ALPL: variants seen among roughly 807,000 people sequenced by gnomAD.
ALPL encodes alkaline phosphatase, biomineralization associated, also known as alkaline phosphatase, tissue-nonspecific isozyme.
A neutral mutation model predicts 51.3 loss-of-function variants in ALPL; 42 were observed. That is an observed-to-expected ratio of 0.82 (90% CI 0.64 to 1.06). The LOEUF is 1.06. Among genes scored for constraint, ALPL ranks in the 50% least tolerant of loss-of-function variants. The pLI, the probability that ALPL is intolerant of heterozygous loss-of-function variation, is 0.00. For synonymous variants in ALPL, 279 were observed against 296.4 expected (o/e 0.94, Z 0.60); for missense variants, 589 against 709.4 (o/e 0.83, Z 1.93).
intron 6 of ALPL, among the ~76,000 whole-genome samples, chr1:21,565,331 G>A (rs541269892): frequency 3.1e-4 from 47 of 152,320 alleles, no homozygotes; most frequent in African/African-American, 8.7e-4. Context: ...ATCCTGGCTT[G>A]CCTTCACCCG....
At chr1:21,556,395 C>A (rs939604098) in intron 2 of ALPL, among the ~76,000 whole-genome samples, 2 of 152,074 alleles carry the variant, frequency 1.3e-5, no homozygotes, top group Non-Finnish European at 2.9e-5. Context: ...AATCCCAGTG[C>A]GTTGGGAGGC....
intron 1 of ALPL, among the ~76,000 whole-genome samples, chr1:21,548,281 G>A (rs1368808945): frequency 6.6e-6 from 1 of 152,242 alleles, no homozygotes; most frequent in Non-Finnish European, 1.5e-5. Context: ...GGGTCCTAGG[G>A]GTGGGGCCAG....
intron 7 of ALPL, among the ~76,000 whole-genome samples, chr1:21,568,778 T>C (rs1004169555): frequency 1.3e-5 from 2 of 151,730 alleles, no homozygotes; most frequent in Non-Finnish European, 2.9e-5. Flanking sequence ...CCCTCCACAG[T>C]GAGTCCCCCT....
intron 2 of ALPL, among the ~76,000 whole-genome samples, chr1:21,556,109 G>A (rs1267367208): frequency 2.0e-5 from 3 of 152,144 alleles, no homozygotes; most frequent in African/African-American, 7.2e-5. Context: ...TCACGCGGAA[G>A]TGTTTCCACA....
At chr1:21,567,980 A>G (rs1395619899) in intron 6 of ALPL, 124 bp from the exon 7 acceptor site, 11 of 1,327,038 alleles carry the variant, frequency 8.3e-6, no homozygotes, top group Non-Finnish European at 1.2e-5. Flanking sequence ...GGCCTGGCTC[A>G]CCAGGCTGGG....
chr1:21,577,470 C>G lies in ALPL; in HGVS notation c.1397C>G (p.Pro466Arg), dbSNP rs773075737. The G allele has an allele frequency of 6.2e-7, 1 of 1,610,862 alleles. No individual in the cohort carries two copies. The highest frequency in any genetic ancestry group is 1.1e-5 in the South Asian group (1 of 91,084). ...GEDVAVFSKG[P>R]MAHLLHGVHE... ...GACGTGGCCGTCTTCTCCAAGGGCCCCATGGCGCACCTGCTGCACGGCGTC... is the reference window on the plus strand; with the variant it reads ...GACGTGGCCGTCTTCTCCAAGGGCCGCATGGCGCACCTGCTGCACGGCGTC... The change falls in exon 12 of 12, where the codon CCC (proline) becomes CGC (arginine). Residue 466 changes from proline to arginine, a missense_variant. Transcript: ENST00000374840.
chr1:21,563,088 G>C, intron 4 of ALPL, 22 bp from the exon 5 acceptor site: 1 of 1,613,268 alleles, frequency 6.2e-7, no homozygotes, highest in Non-Finnish European at 8.5e-7. Flanking sequence ...GCCATCTCCT[G>C]ACCCTCCTCT....
At chr1:21,548,627 C>T (rs1644283136) in intron 1 of ALPL, among the ~76,000 whole-genome samples, 1 of 152,180 alleles carries the variant, frequency 6.6e-6, no homozygotes, top group Non-Finnish European at 1.5e-5. Flanking sequence ...TTTTATTTTT[C>T]TTTATTCGCT....
At chr1:21,567,398 T>C (rs1558551805) in intron 6 of ALPL, among the ~76,000 whole-genome samples, 1 of 152,026 alleles carries the variant, frequency 6.6e-6, no homozygotes, top group Non-Finnish European at 1.5e-5. Context: ...CACCAGCTGG[T>C]GGGTAAAATT....
chr1:21,558,829 C>A (rs1011728496), intron 2 of ALPL, among the ~76,000 whole-genome samples: 3 of 152,176 alleles, frequency 2.0e-5, no homozygotes, highest in Non-Finnish European at 4.4e-5. Flanking sequence ...CGGCTCCTCG[C>A]CTGTGCTCTG....
chr1:21,532,888 A>C (rs1164214492), intron 1 of ALPL, among the ~76,000 whole-genome samples: 1 of 152,152 alleles, frequency 6.6e-6, no homozygotes, highest in Non-Finnish European at 1.5e-5. Context: ...TGATTCTTCA[A>C]CTAATTGGCT....
At chr1:21,514,263 T>C (rs1643749584) in intron 1 of ALPL, among the ~76,000 whole-genome samples, 1 of 152,038 alleles carries the variant, frequency 6.6e-6, no homozygotes, top group African/African-American at 2.4e-5. Flanking sequence ...GGGACAGGCA[T>C]CGCTGGGTAC....
rs183753783 is a variant in ALPL, at chr1:21,528,270, G to A, written c.-105+18753G>A. Among the ~76,000 whole-genome samples the A allele has an allele frequency of 7.4e-4, 112 of 151,124 alleles. 1 individual carries two copies. Among genetic ancestry groups the A allele is most frequent in the Admixed American group, 6.6e-4 (10 of 15,126 alleles). ...CCTGGGCTTAAGCGATCCTCCTGCC[G>A]TGGCCTCCCAAGGTGCTGAGATTTA... is the stretch of plus-strand genomic sequence containing the variant. On this transcript the variant is annotated intron_variant, in intron 1 of 11. Transcript: ENST00000374840.
Position 21,577,849 on chromosome 1 carries a change from G to C in ALPL, c.*201G>C, listed in dbSNP as rs1204862645. 5.7e-6 allele frequency: 4 copies of C among 699,890 alleles called. No individual in the cohort carries two copies. Among genetic ancestry groups the C allele is most frequent in the Non-Finnish European group, 9.3e-6 (4 of 428,060 alleles). 43.4% of individuals were successfully genotyped at this position (699,890 alleles called of 1,614,324 possible). A position where few individuals can be genotyped will look rare whatever the true frequency, so the allele number is the denominator to read the frequency against. On this transcript the variant is annotated 3_prime_UTR_variant, in exon 12 of 12. Coordinates refer to ENST00000374840, the MANE Select transcript of ALPL (RefSeq NM_000478.6). ...GGGCCAAACCCACTTCTGGCCTCCAGCCTTTGCTCCCTCCCCGCTGCCCTT... is the reference window on the plus strand; with the variant it reads ...GGGCCAAACCCACTTCTGGCCTCCACCCTTTGCTCCCTCCCCGCTGCCCTT...
chr1:21,542,763 T>TG (rs1644204427), intron 1 of ALPL, among the ~76,000 whole-genome samples: 1 of 152,118 alleles, frequency 6.6e-6, no homozygotes, highest in Non-Finnish European at 1.5e-5. Flanking sequence ...GCTTGAACTC[T>TG]GAAGGCGGAG....
intron 7 of ALPL, among the ~76,000 whole-genome samples, chr1:21,568,810 T>C (rs753998168): frequency 6.6e-6 from 1 of 151,622 alleles, no homozygotes; most frequent in Non-Finnish European, 1.5e-5. Flanking sequence ...TGGAATAGAT[T>C]GGGGAAGGGA....
chr1:21,574,186 G>A, intron 9 of ALPL: 1 of 985,468 alleles, frequency 1.0e-6, no homozygotes, highest in Non-Finnish European at 1.2e-6. Context: ...GGCTCTTTCA[G>A]CGCCGGCCAG....
chr1:21,560,997 A>T, intron 3 of ALPL, 100 bp from the exon 4 acceptor site: 1 of 1,182,816 alleles, frequency 8.5e-7, no homozygotes, highest in Non-Finnish European at 1.2e-6. Flanking sequence ...CAACTGCCCG[A>T]GCCTGCCTTG....
intron 4 of ALPL, 35 bp downstream of exon 4, chr1:21,561,247 A>G (rs557247803): frequency 5.9e-6 from 9 of 1,537,952 alleles, no homozygotes; most frequent in Non-Finnish European, 7.1e-6. Flanking sequence ...TCAGGTCTGT[A>G]TATCCAGTAT....
Sources: allele counts gnomAD v4.1 joint callset (sites outside exome capture counted in the v4.1 genomes callset), GRCh38; gene constraint gnomAD v4.1.1; transcripts MANE v1.5; gene names NCBI Gene and HGNC (gene_info 2026-07-23, HGNC 2026-07-21).